SGCD: variants seen among roughly 807,000 people sequenced by gnomAD.
The protein encoded by SGCD is delta-sarcoglycan.
Under a neutral mutation model 36.6 loss-of-function variants are expected in SGCD, and 18 were observed. That is an observed-to-expected ratio of 0.49 (90% CI 0.34 to 0.73). The LOEUF (loss-of-function observed/expected upper bound fraction) is 0.73, where lower values mean the gene tolerates loss of function less well. Among genes scored for constraint, SGCD ranks in the 30% least tolerant of loss-of-function variants. SGCD has a pLI of 0.01. For synonymous variants in SGCD, 133 were observed against 130.6 expected (o/e 1.02, Z -0.12); for missense variants, 387 against 346.7 (o/e 1.12, Z -0.92).
chr5:156,206,406 T>C (rs1186964833), intron 3 of SGCD, among the ~76,000 whole-genome samples: 1 of 152,002 alleles, frequency 6.6e-6, no homozygotes, highest in Non-Finnish European at 1.5e-5. Flanking sequence ...TGAATATATA[T>C]AGAGTATTCT....
chr5:156,620,848 C>T (rs1581269206), intron 6 of SGCD, among the ~76,000 whole-genome samples: 1 of 152,142 alleles, frequency 6.6e-6, no homozygotes, highest in African/African-American at 2.4e-5. Flanking sequence ...TGTGCTAGAC[C>T]CTCCCAGGAA....
At chr5:156,097,537 T>C (rs1212391748) in intron 1 of SGCD, among the ~76,000 whole-genome samples, 1 of 152,194 alleles carries the variant, frequency 6.6e-6, no homozygotes, top group Non-Finnish European at 1.5e-5. Flanking sequence ...TCATTTTTGT[T>C]ATAGTATTTT....
At chr5:156,649,326 G>A (rs7721216) in intron 7 of SGCD, among the ~76,000 whole-genome samples, 139,189 of 151,848 alleles carry the variant, frequency 0.92, 63,944 homozygotes, top group East Asian at 0.99. Context: ...ATCTAGAACT[G>A]GAAATACCAT....
At chr5:156,608,762 ATCT>A (rs1184723046) in intron 6 of SGCD, among the ~76,000 whole-genome samples, 1 of 151,202 alleles carries the variant, frequency 6.6e-6, no homozygotes, top group African/African-American at 2.4e-5. Flanking sequence ...GGATAGTTAG[ATCT>A]TCTTGTTGAA....
At chr5:156,088,545 G>A (rs941678518) in intron 1 of SGCD, among the ~76,000 whole-genome samples, 1 of 152,008 alleles carries the variant, frequency 6.6e-6, no homozygotes, top group African/African-American at 2.4e-5. Flanking sequence ...TGTCACCCAG[G>A]CTAGAATGCA....
the SGCD span, among the ~76,000 whole-genome samples, chr5:155,756,806 T>G: frequency 1.4e-4 from 21 of 152,272 alleles, no homozygotes; most frequent in East Asian, 3.5e-3. Context: ...GCACCACAAA[T>G]AGTGAGTCTG....
intron 3 of SGCD, among the ~76,000 whole-genome samples, chr5:156,276,531 C>T (rs1219459353): frequency 6.6e-6 from 1 of 152,076 alleles, no homozygotes; most frequent in African/African-American, 2.4e-5. Flanking sequence ...CTCAGATTCC[C>T]ATGTACGACA....
chr5:156,489,341 GCAT>G (rs1435594378), intron 3 of SGCD, among the ~76,000 whole-genome samples: 3 of 151,970 alleles, frequency 2.0e-5, no homozygotes, highest in African/African-American at 7.2e-5. Context: ...GAAAACAAAG[GCAT>G]CAGATTTAGA....
intron 1 of SGCD, among the ~76,000 whole-genome samples, chr5:155,959,692 C>T (rs1757751283): frequency 6.6e-6 from 1 of 152,006 alleles, no homozygotes; most frequent in Admixed American, 6.6e-5. Context: ...ATATCACTTG[C>T]AAGTTTTAGT....
In SGCD at chr5:156,434,075, C is replaced by T. The variant is rs117667730; in HGVS notation, c.193-74526C>T. ...ATGCTCATTGGCTAGGCCCAGGCCACGTGCCACTCCTGCAGCTGAGGATAC... is the reference window on the plus strand; with the variant it reads ...ATGCTCATTGGCTAGGCCCAGGCCATGTGCCACTCCTGCAGCTGAGGATAC... On this transcript the variant is annotated intron_variant, in intron 3 of 8. Coordinates refer to ENST00000337851, the MANE Select transcript of SGCD (RefSeq NM_000337.6). Among the ~76,000 whole-genome samples the T allele has an allele frequency of 3.6e-3, 545 of 152,322 alleles. 20 individuals carry two copies. In the East Asian group the frequency reaches 0.091, roughly 25 times the overall value.
intron 1 of SGCD, among the ~76,000 whole-genome samples, chr5:156,059,332 T>C (rs1372391703): frequency 6.8e-6 from 1 of 146,190 alleles, no homozygotes; most frequent in South Asian, 2.2e-4. Context: ...CTAAGGAAAC[T>C]TGTATTGTGA....
chr5:156,445,535 A>G (rs1171778565), intron 3 of SGCD, among the ~76,000 whole-genome samples: 2 of 152,170 alleles, frequency 1.3e-5, no homozygotes, highest in African/African-American at 4.8e-5. Flanking sequence ...TCCGGTGTTC[A>G]TGATTGAGAA....
chr5:156,494,515 TC>T (rs1342782066), intron 3 of SGCD, among the ~76,000 whole-genome samples: 4 of 152,092 alleles, frequency 2.6e-5, no homozygotes, highest in Non-Finnish European at 5.9e-5. Context: ...ATAAGACAGT[TC>T]TTTACTAGAA....
At chr5:156,509,300 C>T (rs547985432) in intron 4 of SGCD, among the ~76,000 whole-genome samples, 5 of 152,028 alleles carry the variant, frequency 3.3e-5, no homozygotes, top group Admixed American at 2.0e-4. Flanking sequence ...TGGTGAGCAC[C>T]TGTAATCTTA....
chr5:156,273,425 A>G (rs1226758170), intron 3 of SGCD, among the ~76,000 whole-genome samples: 1 of 152,090 alleles, frequency 6.6e-6, no homozygotes, highest in Non-Finnish European at 1.5e-5. Context: ...CAACATGGAT[A>G]TTTTGCTCAC....
At chr5:156,331,556 G>T (rs527246356) in intron 2 of SGCD, among the ~76,000 whole-genome samples, 1 of 152,222 alleles carries the variant, frequency 6.6e-6, no homozygotes, top group East Asian at 1.9e-4. Flanking sequence ...AAACTATATT[G>T]CCAGGGATTA....
chr5:155,902,513 T>C (rs1214634454), intron 1 of SGCD, among the ~76,000 whole-genome samples: 5 of 152,204 alleles, frequency 3.3e-5, no homozygotes, highest in African/African-American at 4.8e-5. Context: ...CAGGGTCATA[T>C]AGTAAGTGAT....
intron 4 of SGCD, among the ~76,000 whole-genome samples, chr5:156,558,123 AT>A (rs1554115468): frequency 4.8e-5 from 6 of 126,236 alleles, no homozygotes; most frequent in South Asian, 2.6e-4. Flanking sequence ...ATATATATAT[AT>A]TATTTAACTC....
intron 3 of SGCD, among the ~76,000 whole-genome samples, chr5:156,422,156 G>A (rs1395090600): frequency 6.6e-6 from 1 of 151,968 alleles, no homozygotes; most frequent in Non-Finnish European, 1.5e-5. Context: ...GCTTAGCACT[G>A]TTCACTTGGG....
Sources: allele counts gnomAD v4.1 joint callset (sites outside exome capture counted in the v4.1 genomes callset), GRCh38; gene constraint gnomAD v4.1.1; transcripts MANE v1.5; gene names NCBI Gene and HGNC (gene_info 2026-07-23, HGNC 2026-07-21).